GCA: variants seen among roughly 807,000 people sequenced by gnomAD.
The protein encoded by GCA is grancalcin, also known as grancalcin, EF-hand calcium-binding protein.
A neutral mutation model predicts 32.6 loss-of-function variants in GCA; 30 were observed. That is an observed-to-expected ratio of 0.92 (90% CI 0.69 to 1.25). The LOEUF is 1.25. GCA is among the 50% of genes most tolerant of loss of function. The probability of loss-of-function intolerance (pLI) is 0.00; values close to 1 mark genes in which losing one functional copy is unlikely to be tolerated. For synonymous variants in GCA, 102 were observed against 84.6 expected (o/e 1.21, Z -1.13); for missense variants, 291 against 266.8 (o/e 1.09, Z -0.63).
chr2:162,359,019 A>G, intron 5 of GCA, 25 bp from the exon 6 acceptor site: 1 of 1,078,432 alleles, frequency 9.3e-7, no homozygotes, highest in Non-Finnish European at 1.4e-6. Context: ...TTACATTTAG[A>G]AGTTTTAATT....
chr2:162,341,685 C>G (rs1246564949), upstream of GCA, among the ~76,000 whole-genome samples: 1 of 152,094 alleles, frequency 6.6e-6, no homozygotes, highest in Non-Finnish European at 1.5e-5. Flanking sequence ...ACTTTTAAAG[C>G]CTTTTTTCTT....
downstream of GCA, chr2:162,373,466 T>C (rs1178253579): frequency 4.6e-6 from 7 of 1,516,528 alleles, no homozygotes; most frequent in South Asian, 1.3e-5. Context: ...GTATCCACAC[T>C]TACTTGTGAG....
chr2:162,347,453 T>G (rs1684765542), intron 1 of GCA, 125 bp from the exon 2 acceptor site: 3 of 511,316 alleles, frequency 5.9e-6, no homozygotes, highest in African/African-American at 5.8e-5. Context: ...ATTTTTGTGA[T>G]AAGATTATAA....
chr2:162,347,729 C>T lies in GCA; in HGVS notation c.179C>T (p.Ala60Val). 2 of 1,553,930 alleles carry T rather than the reference C, an allele frequency of 1.3e-6. No homozygotes were observed. The highest frequency in any genetic ancestry group is 1.7e-6 in the Non-Finnish European group (2 of 1,146,004). Reference protein sequence around the residue: ...AGDSVYTYFSAVAGQDGEVDA... With the variant: ...AGDSVYTYFSVVAGQDGEVDA... ...GACTCCGTGTATACTTACTTCAGTG[C>T]TGTTGCTGGACAGGTGAGATGCTAA... is the stretch of plus-strand genomic sequence containing the variant. The change falls in exon 2 of 8, where the codon GCT becomes GTT. Residue 60 changes from alanine to valine, a missense_variant. Coordinates refer to ENST00000437150, the MANE Select transcript of GCA (RefSeq NM_012198.5).
At chr2:162,349,561 G>T (rs973319381) in intron 2 of GCA, among the ~76,000 whole-genome samples, 35 of 151,878 alleles carry the variant, frequency 2.3e-4, no homozygotes, top group African/African-American at 8.2e-4. Flanking sequence ...TTAACAATTT[G>T]GGGGGAAAGT....
intron 1 of GCA, among the ~76,000 whole-genome samples, chr2:162,328,663 C>A (rs999742331): frequency 6.6e-6 from 1 of 152,146 alleles, no homozygotes; most frequent in African/African-American, 2.4e-5. Context: ...ACAGGGTACT[C>A]TTTTAGTTTT....
chr2:162,335,374 C>G (rs1178808584), intron 1 of GCA, among the ~76,000 whole-genome samples: 1 of 149,130 alleles, frequency 6.7e-6, no homozygotes, highest in African/African-American at 2.5e-5. Context: ...GAGATCACAC[C>G]GCTGCACTCC....
At chr2:162,348,925 G>A (rs1278218604) in intron 2 of GCA, among the ~76,000 whole-genome samples, 1 of 151,960 alleles carries the variant, frequency 6.6e-6, no homozygotes, top group Non-Finnish European at 1.5e-5. Context: ...AGATGCCAAT[G>A]TCTTCCAAAT....
intron 1 of GCA, among the ~76,000 whole-genome samples, chr2:162,322,608 C>T (rs1683718146): frequency 7.2e-6 from 1 of 138,574 alleles, no homozygotes; most frequent in East Asian, 2.2e-4. Context: ...CTTCCTGTGT[C>T]CATGTGTTCG....
chr2:162,360,878 A>ATGTT lies in GCA; in HGVS notation c.*637_*640dup. 9.0e-7 allele frequency: 1 copy of ATGTT among 1,113,604 alleles called. No individual in the cohort carries two copies. Among genetic ancestry groups the ATGTT allele is most frequent in the Non-Finnish European group, 1.1e-6 (1 of 888,372 alleles). The allele number at this position is 1,113,604 out of a possible 1,614,324, so 69.0% of individuals were successfully genotyped here. ...TTTGTATTATATATTTTTCTTAAAT[A>ATGTT]TGTTTTATTGTCTTCTCTAAGCAAA... On this transcript the variant is annotated 3_prime_UTR_variant, in exon 8 of 8. Coordinates refer to ENST00000437150, the MANE Select transcript of GCA (RefSeq NM_012198.5).
At chr2:162,352,572 G>T (rs527677000) in intron 3 of GCA, among the ~76,000 whole-genome samples, 165 bp downstream of exon 3, 1 of 152,116 alleles carries the variant, frequency 6.6e-6, no homozygotes, top group Non-Finnish European at 1.5e-5. Flanking sequence ...ACTGTTCATT[G>T]TGTATTCCTG....
In GCA at chr2:162,356,755, CA is replaced by C. The variant is rs1192227108; in HGVS notation, c.307-2del. On this transcript the variant is annotated splice_acceptor_variant, in intron 4 of 7. Transcript: ENST00000437150. LOFTEE classifies it high-confidence loss of function. ...AATTTATTTTTGTTAATAAAACTATCAGAGAGATCACACAGGAAAAATGGGA... is the reference window on the plus strand; with the variant it reads ...AATTTATTTTTGTTAATAAAACTATCGAGAGATCACACAGGAAAAATGGGA... 4 of 1,595,468 alleles carry C rather than the reference CA, an allele frequency of 2.5e-6. No homozygotes were observed. Among genetic ancestry groups the C allele is most frequent in the Non-Finnish European group, 3.4e-6 (4 of 1,167,594 alleles).
downstream of GCA, among the ~76,000 whole-genome samples, chr2:162,364,231 T>A (rs1197204289): frequency 6.6e-6 from 1 of 151,576 alleles, no homozygotes; most frequent in Non-Finnish European, 1.5e-5. Context: ...AATTTCATTT[T>A]GTTGTAATTA....
chr2:162,350,179 TA>T (rs890611995), intron 2 of GCA, among the ~76,000 whole-genome samples: 6 of 152,208 alleles, frequency 3.9e-5, no homozygotes, highest in Admixed American at 3.9e-4. Context: ...AAAATCTTTC[TA>T]CCCCAAATGA....
upstream of GCA, among the ~76,000 whole-genome samples, chr2:162,342,578 C>T (rs936054083): frequency 4.6e-5 from 7 of 152,160 alleles, no homozygotes; most frequent in African/African-American, 1.7e-4. Flanking sequence ...AGCAAACGTA[C>T]CCAAACTTTG....
intron 5 of GCA, 29 bp downstream of exon 5, chr2:162,356,934 A>G (rs1685309838): frequency 6.7e-7 from 1 of 1,494,208 alleles, no homozygotes; most frequent in Non-Finnish European, 9.2e-7. Flanking sequence ...TTTAGAATCT[A>G]TAAAGCTAAT....
rs1553466889 is a variant in GCA at position 162,360,282 on chromosome 2, C to A, written c.*39C>A. 1 of 1,577,366 alleles carries A rather than the reference C, an allele frequency of 6.3e-7. No individual in the cohort carries two copies. Among genetic ancestry groups the A allele is most frequent in the East Asian group, 2.3e-5 (1 of 43,278 alleles). ...TAAACCTGAAGAGACACTGTGAATT[C>A]TTTTGTTTGGAAGAAGTGAACTGGA... On this transcript the variant is annotated 3_prime_UTR_variant, in exon 8 of 8. Coordinates refer to ENST00000437150, the MANE Select transcript of GCA (RefSeq NM_012198.5).
chr2:162,323,327 G>A (rs1683752308), intron 1 of GCA, among the ~76,000 whole-genome samples: 1 of 151,812 alleles, frequency 6.6e-6, no homozygotes, highest in Non-Finnish European at 1.5e-5. Context: ...CGGATGAGTA[G>A]GTTGCGAAAA....
intron 1 of GCA, among the ~76,000 whole-genome samples, chr2:162,333,070 C>T (rs1684152522): frequency 6.6e-6 from 1 of 152,082 alleles, no homozygotes; most frequent in Non-Finnish European, 1.5e-5. Context: ...TAGACTGCCT[C>T]ATATTTATAT....
Sources: allele counts gnomAD v4.1 joint callset (sites outside exome capture counted in the v4.1 genomes callset), GRCh38; gene constraint gnomAD v4.1.1; transcripts MANE v1.5; gene names NCBI Gene and HGNC (gene_info 2026-07-23, HGNC 2026-07-21).